Variants in SDK1 observed in about 807,000 individuals in gnomAD.
SDK1 encodes the protein protein sidekick-1.
SDK1 carries 157 observed loss-of-function variants against 245.5 expected under a neutral mutation model. The observed-to-expected ratio is 0.64, with a 90% CI of 0.56 to 0.73. SDK1 has a LOEUF of 0.73. Among genes scored for constraint, SDK1 ranks in the 30% least tolerant of loss-of-function variants. SDK1 has a pLI of 0.00. For synonymous variants in SDK1, 1,647 were observed against 1,278.5 expected (o/e 1.29, Z -6.15); for missense variants, 3,583 against 3,002.3 (o/e 1.19, Z -4.52).
At chr7:3,553,932 A>G (rs913904514) in intron 1 of SDK1, among the ~76,000 whole-genome samples, 1 of 152,210 alleles carries the variant, frequency 6.6e-6, no homozygotes, top group African/African-American at 2.4e-5. Context: ...CATCAGAACC[A>G]GACAAATGAA....
intron 35 of SDK1, among the ~76,000 whole-genome samples, chr7:4,198,260 G>T: frequency 6.6e-6 from 1 of 152,280 alleles, no homozygotes; most frequent in African/African-American, 2.4e-5. Flanking sequence ...CCCCTCATTT[G>T]CCCCTCACAG....
intron 1 of SDK1, among the ~76,000 whole-genome samples, chr7:3,566,755 A>G (rs1779932979): frequency 6.6e-6 from 1 of 151,774 alleles, no homozygotes; most frequent in African/African-American, 2.4e-5. Flanking sequence ...CAATCCAAGG[A>G]GAAAAATAAG....
At chr7:3,623,566 C>G (rs1167799194) in intron 2 of SDK1, among the ~76,000 whole-genome samples, 1 of 152,052 alleles carries the variant, frequency 6.6e-6, no homozygotes, top group Non-Finnish European at 1.5e-5. Context: ...CATATTGATG[C>G]TCATGTCTAC....
At chr7:4,235,266 G>A (rs576431603) in intron 41 of SDK1, among the ~76,000 whole-genome samples, 9 of 152,276 alleles carry the variant, frequency 5.9e-5, no homozygotes, top group African/African-American at 2.2e-4. Flanking sequence ...CCGGGTTCAA[G>A]GGATTCTCCT....
At chr7:3,489,993 G>A (rs73671857) in intron 1 of SDK1, among the ~76,000 whole-genome samples, 6 of 151,824 alleles carry the variant, frequency 4.0e-5, no homozygotes, top group Non-Finnish European at 7.4e-5. Context: ...TTTTCCCCTC[G>A]TGCTTACTGG....
intron 14 of SDK1, among the ~76,000 whole-genome samples, chr7:3,998,428 A>T (rs1454773305): frequency 3.3e-5 from 5 of 152,244 alleles, no homozygotes; most frequent in Admixed American, 3.3e-4. Context: ...AGGATTTTTT[A>T]AAATTATGTA....
chr7:3,355,341 G>T (rs1431317201), intron 1 of SDK1, among the ~76,000 whole-genome samples: 1 of 152,100 alleles, frequency 6.6e-6, no homozygotes, highest in East Asian at 1.9e-4. Context: ...TTAGAGATGG[G>T]GTCTTGCTTT....
intron 13 of SDK1, among the ~76,000 whole-genome samples, chr7:3,978,378 C>G (rs1323366736): frequency 6.6e-6 from 1 of 152,124 alleles, no homozygotes; most frequent in African/African-American, 2.4e-5. Context: ...CATTTTTCAG[C>G]AAATGTTGCT....
intron 1 of SDK1, among the ~76,000 whole-genome samples, chr7:3,616,408 C>T (rs567976783): frequency 6.6e-6 from 1 of 152,336 alleles, no homozygotes; most frequent in African/African-American, 2.4e-5. Context: ...CATCCCACTT[C>T]CAGTCACTCT....
At position 3,559,526 on chromosome 7, in the gene SDK1, G is replaced by T. The variant is rs1779684819; in HGVS notation, c.299-59554G>T. ...TAGAAGCAGCCTGGTTCAGTGCCAA[G>T]ATGTAGTAATCAGCTTCCTCAGATG... is the stretch of plus-strand genomic sequence containing the variant. On this transcript the variant is annotated intron_variant, in intron 1 of 44. Coordinates refer to ENST00000404826, the MANE Select transcript of SDK1 (RefSeq NM_152744.4). Among the ~76,000 whole-genome samples, 2 of 152,090 alleles carry T rather than the reference G, an allele frequency of 1.3e-5. 1 individual carries two copies. The highest frequency in any genetic ancestry group is 4.1e-4 in the South Asian group (2 of 4,824).
At chr7:3,759,361 A>G (rs1469693344) in intron 4 of SDK1, among the ~76,000 whole-genome samples, 1 of 152,176 alleles carries the variant, frequency 6.6e-6, no homozygotes, top group Non-Finnish European at 1.5e-5. Context: ...TGCTATATAG[A>G]AAATAAATGT....
At position 3,969,270 on chromosome 7, in the gene SDK1, G is replaced by T; in HGVS notation, c.1560G>T (p.Leu520=). 2 of 1,600,100 alleles carry T rather than the reference G, an allele frequency of 1.2e-6. No homozygotes were observed. The highest frequency in any genetic ancestry group is 1.7e-6 in the Non-Finnish European group (2 of 1,173,260). ...ACTGTTCTTTAGAAAACCACATTCT[G>T]GCCAGTGGCTCTGTCCGGATTCCTA... ...AITWKRENHI[L]ASGSVRIPRF... Residue 520 remains leucine (L), a synonymous_variant, in exon 11 of 45, where the codon CTG becomes CTT. Coordinates refer to ENST00000404826, the MANE Select transcript of SDK1 (RefSeq NM_152744.4).
chr7:3,491,686 C>G (rs1562519589), intron 1 of SDK1, among the ~76,000 whole-genome samples: 2 of 152,174 alleles, frequency 1.3e-5, no homozygotes, highest in Non-Finnish European at 2.9e-5. Context: ...CTCAGTTGAG[C>G]TAGAACTTTA....
intron 23 of SDK1, 118 bp downstream of exon 23, chr7:4,110,890 C>G: frequency 1.4e-6 from 1 of 709,442 alleles, no homozygotes; most frequent in South Asian, 1.6e-5. Flanking sequence ...TTCCTAGTGG[C>G]AATAACAGTA....
Position 3,708,036 on chromosome 7 carries a change from G to A in SDK1, c.713+65931G>A, listed in dbSNP as rs1336483835. Among the ~76,000 whole-genome samples the A allele has an allele frequency of 2.0e-5, 3 of 152,086 alleles. No homozygotes were observed. The East Asian group carries it at 5.8e-4, about 29-fold the overall frequency. ...AGAGGTTTAGATAGCTCATGGTACT[G>A]TAGGTTGTACAGGAAGCGTGATGCT... On this transcript the variant is annotated intron_variant, in intron 4 of 44. Transcript: ENST00000404826.
At chr7:3,562,918 T>C (rs1485780473) in intron 1 of SDK1, among the ~76,000 whole-genome samples, 1 of 46,232 alleles carries the variant, frequency 2.2e-5, no homozygotes, top group African/African-American at 1.1e-4. Context: ...CTACAAGAGA[T>C]AGGGGAGGTA....
Position 4,241,875 on chromosome 7 carries a change from C to T in SDK1, c.6213C>T (p.Leu2071=). The T allele has an allele frequency of 6.2e-7, 1 of 1,614,052 alleles. No individual in the cohort carries two copies. Among genetic ancestry groups the T allele is most frequent in the Non-Finnish European group, 8.5e-7 (1 of 1,180,044 alleles). Residue 2071 remains leucine, a synonymous_variant, in exon 43 of 45, where the codon CTC becomes CTT. Coordinates refer to ENST00000404826, the MANE Select transcript of SDK1 (RefSeq NM_152744.4). Reference sequence around the variant, plus strand: ...CCCTGGAGCTCAGCAGCCGCCACCTCAATGTCAAGAGCACCTTCTCCAAGA... The same window carrying T: ...CCCTGGAGCTCAGCAGCCGCCACCTTAATGTCAAGAGCACCTTCTCCAAGA... ...FAALELSSRH[L]NVKSTFSKKN...
At chr7:3,823,613 G>A (rs1305193983) in intron 5 of SDK1, among the ~76,000 whole-genome samples, 5 of 152,230 alleles carry the variant, frequency 3.3e-5, no homozygotes, top group South Asian at 4.1e-4. Flanking sequence ...TACCCTGACC[G>A]AAAAGTATAT....
chr7:3,961,411 C>G (rs1422299962), intron 8 of SDK1, among the ~76,000 whole-genome samples: 1 of 152,222 alleles, frequency 6.6e-6, no homozygotes, highest in Non-Finnish European at 1.5e-5. Context: ...AAGTCGACAT[C>G]TCACACCTAC....
Sources: gnomAD v4.1 joint callset for allele counts (sites outside exome capture counted in the v4.1 genomes callset) on GRCh38, gnomAD v4.1.1 for gene constraint, MANE v1.5 for transcripts, NCBI Gene and HGNC (gene_info 2026-07-23, HGNC 2026-07-21) for gene names.